The following PRDM6 variants were observed in gnomAD, a reference collection of about 807,000 sequenced individuals.
PRDM6 encodes the protein PR/SET domain 6.
A neutral mutation model predicts 60.8 loss-of-function variants in PRDM6; 25 were observed. That is an observed-to-expected ratio of 0.41 (90% confidence interval 0.30 to 0.57). The LOEUF (loss-of-function observed/expected upper bound fraction) is 0.57. Among genes scored for constraint, PRDM6 ranks in the 20% least tolerant of loss-of-function variants. The pLI, the probability that PRDM6 is intolerant of heterozygous loss-of-function variation, is 0.27. For synonymous variants in PRDM6, 407 were observed against 357.4 expected, an observed-to-expected ratio of 1.14 and a Z score of -1.57; for missense variants, 839 against 821.3, an observed-to-expected ratio of 1.02 and a Z score of -0.26.
In PRDM6 at chr5:123,140,900, G is replaced by A. The variant is rs182157518; in HGVS notation, c.901-14984G>A. Reference sequence around the variant, plus strand: ...TATAGGTATTATTATTTTTAAAGTTGTTTACAGGCTATTCTTTCATCAGGC... The same window carrying A: ...TATAGGTATTATTATTTTTAAAGTTATTTACAGGCTATTCTTTCATCAGGC... On this transcript the variant is annotated intron_variant, in intron 3 of 7. Coordinates refer to ENST00000407847, the MANE Select transcript of PRDM6 (RefSeq NM_001136239.4). 1.5e-3 allele frequency among the ~76,000 whole-genome samples: 228 copies of A among 152,084 alleles called. 8 individuals are homozygous for A. The highest frequency in any genetic ancestry group is 0.015 in the Admixed American group (226 of 15,276).
At chr5:123,142,417 C>T (rs1345118853) in intron 3 of PRDM6, among the ~76,000 whole-genome samples, 1 of 152,110 alleles carries the variant, frequency 6.6e-6, no homozygotes, top group African/African-American at 2.4e-5. Context: ...CATCTAGCAA[C>T]TAATTAACTA....
intron 3 of PRDM6, among the ~76,000 whole-genome samples, chr5:123,124,164 C>T (rs920262539): frequency 6.6e-6 from 1 of 152,116 alleles, no homozygotes; most frequent in Admixed American, 6.6e-5. Flanking sequence ...TGCCGTTGTC[C>T]TGCAGCACAG....
rs765340342 is a variant in PRDM6, at chr5:123,190,885, C to G, written c.*3684C>G. The G allele has an allele frequency of 6.6e-6, 1 of 152,104 alleles. No individual in the cohort carries two copies. The highest frequency in any genetic ancestry group is 1.5e-5 in the Non-Finnish European group (1 of 68,030). 9.4% of individuals were successfully genotyped at this position (152,104 alleles called of 1,614,324 possible). ...CTGCTAGTAAAATGGGTATTTTAGT[C>G]CTTTAGACCATTGTCTCAGTGAAGT... is the stretch of plus-strand genomic sequence containing the variant. On this transcript the variant is annotated 3_prime_UTR_variant, in exon 8 of 8. Transcript: ENST00000407847.
At chr5:123,109,564 C>T (rs1486971329) in intron 3 of PRDM6, among the ~76,000 whole-genome samples, 1 of 152,100 alleles carries the variant, frequency 6.6e-6, no homozygotes, top group Non-Finnish European at 1.5e-5. Context: ...AGTAATATTT[C>T]AGTGTAAATT....
At chr5:123,180,414 AGCT>A in intron 7 of PRDM6, 91 bp downstream of exon 7, 1 of 1,315,782 alleles carries the variant, frequency 7.6e-7, no homozygotes, top group Non-Finnish European at 1.0e-6. Context: ...TGGCTTAGCC[AGCT>A]GGCACAGGCT....
At chr5:123,177,250 T>C (rs1323252349) in intron 6 of PRDM6, among the ~76,000 whole-genome samples, 2 of 152,332 alleles carry the variant, frequency 1.3e-5, no homozygotes, top group African/African-American at 4.8e-5. Context: ...TAAGGAAATA[T>C]TGAAAATACA....
chr5:123,095,918 T>C (rs1035169632), intron 2 of PRDM6, among the ~76,000 whole-genome samples: 3 of 152,164 alleles, frequency 2.0e-5, no homozygotes, highest in African/African-American at 7.2e-5. Context: ...TTGCCGCCTT[T>C]ACCTTAAAAT....
rs763194862 is a variant in PRDM6, at chr5:123,170,723, A to C, written c.1154-43A>C. Reference sequence around the variant, plus strand: ...GTATGTGTTATTGTGCTTATTTTAAAGGCTAATAAAACTGTTCTTCTAAAC... The same window carrying C: ...GTATGTGTTATTGTGCTTATTTTAACGGCTAATAAAACTGTTCTTCTAAAC... On this transcript the variant is annotated intron_variant, in intron 5 of 7. Transcript: ENST00000407847. The C allele has an allele frequency of 1.6e-5, 21 of 1,308,652 alleles. No individual in the cohort carries two copies. The African/African-American group carries it at 2.5e-4, about 16-fold the overall frequency. The allele number at this position is 1,308,652 out of a possible 1,614,324, so 81.1% of individuals were successfully genotyped here.
At position 123,095,563 on chromosome 5, in the gene PRDM6, C is replaced by T. The variant is rs572160791; in HGVS notation, c.593-4091C>T. On this transcript the variant is annotated intron_variant, in intron 2 of 7. Transcript: ENST00000407847. ...GGCGGCACTCCCGGGTCCTAGTCGC[C>T]GGGCTGGGATCGATGGGCGCCGGCC... Among the ~76,000 whole-genome samples, 8 of 152,380 alleles carry T rather than the reference C, an allele frequency of 5.3e-5. No individual in the cohort carries two copies. The South Asian group carries it at 1.2e-3, about 24-fold the overall frequency.
At chr5:123,104,538 G>T (rs1399166793) in intron 3 of PRDM6, among the ~76,000 whole-genome samples, 2 of 151,986 alleles carry the variant, frequency 1.3e-5, no homozygotes, top group African/African-American at 4.8e-5. Context: ...TTATGTAGCT[G>T]TCGCAGTTAT....
intron 3 of PRDM6, among the ~76,000 whole-genome samples, chr5:123,151,979 T>C (rs577566302): frequency 6.6e-6 from 1 of 151,778 alleles, no homozygotes; most frequent in East Asian, 1.9e-4. Flanking sequence ...CCTGTGCTGG[T>C]AAAAATGGAG....
intron 5 of PRDM6, among the ~76,000 whole-genome samples, chr5:123,167,617 G>A (rs6595431): frequency 0.039 from 5,981 of 152,120 alleles, 391 homozygotes; most frequent in African/African-American, 0.13. Context: ...TTGAACTCCC[G>A]ACCTCAGGTG....
intron 3 of PRDM6, among the ~76,000 whole-genome samples, chr5:123,147,486 T>G (rs1236317164): frequency 6.6e-6 from 1 of 152,200 alleles, no homozygotes; most frequent in Non-Finnish European, 1.5e-5. Context: ...GCAGGGCCTG[T>G]GGATGGCACC....
intron 2 of PRDM6, among the ~76,000 whole-genome samples, chr5:123,097,241 A>C (rs1195379463): frequency 2.6e-5 from 4 of 152,242 alleles, no homozygotes; most frequent in African/African-American, 9.6e-5. Flanking sequence ...AAAACACAAG[A>C]GTGTGGGAAA....
chr5:123,140,232 T>C (rs1435516913), intron 3 of PRDM6, among the ~76,000 whole-genome samples: 2 of 151,994 alleles, frequency 1.3e-5, no homozygotes, highest in Non-Finnish European at 2.9e-5. Context: ...CTGTATTTTC[T>C]TTCACAAAAC....
chr5:123,097,010 C>T (rs1327804829), intron 2 of PRDM6, among the ~76,000 whole-genome samples: 3 of 151,968 alleles, frequency 2.0e-5, no homozygotes, highest in South Asian at 2.1e-4. Flanking sequence ...CTCTTCTGAC[C>T]ATTTGCATCA....
intron 3 of PRDM6, among the ~76,000 whole-genome samples, chr5:123,121,321 T>A (rs1171974792): frequency 6.6e-6 from 1 of 152,180 alleles, no homozygotes; most frequent in Non-Finnish European, 1.5e-5. Context: ...TCTATTCTTG[T>A]TTTCTCTGTT....
At chr5:123,097,647 G>C (rs1463392047) in intron 2 of PRDM6, among the ~76,000 whole-genome samples, 1 of 152,146 alleles carries the variant, frequency 6.6e-6, no homozygotes, top group East Asian at 1.9e-4. Flanking sequence ...CAATCAATAA[G>C]CTTGAGAGGG....
chr5:123,122,107 G>T (rs1243706458), intron 3 of PRDM6, among the ~76,000 whole-genome samples: 1 of 141,676 alleles, frequency 7.1e-6, no homozygotes, highest in African/African-American at 2.7e-5. Context: ...AGTTTGCAGT[G>T]AGCCGAGATC....
Sources: allele counts gnomAD v4.1 joint callset (sites outside exome capture counted in the v4.1 genomes callset), GRCh38; gene constraint gnomAD v4.1.1; transcripts MANE v1.5; gene names NCBI Gene and HGNC (gene_info 2026-07-23, HGNC 2026-07-21).